The following KLRG1 variants were observed in gnomAD, a reference collection of about 807,000 sequenced individuals.
KLRG1 encodes the protein killer cell lectin like receptor G1, also known as killer cell lectin-like receptor subfamily G member 1.
KLRG1 carries 16 observed loss-of-function variants against 21.8 expected under a neutral mutation model. The observed-to-expected ratio is 0.73, with a 90% confidence interval of 0.50 to 1.11. The LOEUF (loss-of-function observed/expected upper bound fraction) is 1.11. Ranked by LOEUF, KLRG1 falls within the 50% of genes most tolerant of loss-of-function variation. The pLI, the probability that KLRG1 is intolerant of heterozygous loss-of-function variation, is 0.00. For missense variants in KLRG1, 173 were observed against 218.3 expected (o/e 0.79, Z 1.31); for synonymous variants, 69 against 75.9 (o/e 0.91, Z 0.47).
chr12:9,003,585 G>A (rs764474392), intron 3 of KLRG1, among the ~76,000 whole-genome samples: 6 of 151,656 alleles, frequency 4.0e-5, no homozygotes, highest in South Asian at 2.1e-4. Flanking sequence ...TTCATCTGTC[G>A]TATACTTCAT....
At chr12:9,158,692 T>A in the KLRG1 span, 1 of 975,880 alleles carries the variant, frequency 1.0e-6, no homozygotes, top group Non-Finnish European at 1.4e-6. Context: ...AATCAGCTGT[T>A]ACTGAGAGTT....
chr12:9,182,726 T>C, the KLRG1 span, among the ~76,000 whole-genome samples: 34 of 152,286 alleles, frequency 2.2e-4, no homozygotes, highest in Non-Finnish European at 4.7e-4. Context: ...GGCCACCAGG[T>C]AGCTACAAAA....
chr12:9,028,204 T>C, the KLRG1 span: 14 of 580,476 alleles, frequency 2.4e-5, no homozygotes, highest in Non-Finnish European at 4.2e-5. Context: ...TAGGCTGGAA[T>C]GCAATGGTGT....
chr12:9,098,430 T>TTATA, the KLRG1 span: 59 of 285,984 alleles, frequency 2.1e-4, no homozygotes, highest in Non-Finnish European at 2.8e-4. Flanking sequence ...AAGTGAGTAG[T>TTATA]TATATATATA....
At chr12:9,018,328 A>G in the KLRG1 span, among the ~76,000 whole-genome samples, 1 of 152,182 alleles carries the variant, frequency 6.6e-6, no homozygotes, top group South Asian at 2.1e-4. Flanking sequence ...AAACAAAAAC[A>G]AAAACAAAAA....
intron 1 of KLRG1, among the ~76,000 whole-genome samples, chr12:8,974,797 G>A (rs1256540656): frequency 1.3e-5 from 2 of 151,974 alleles, no homozygotes; most frequent in South Asian, 2.1e-4. Context: ...TTTTACATCT[G>A]TTTTTATCAG....
At chr12:9,167,987 A>G in the KLRG1 span, among the ~76,000 whole-genome samples, 2 of 152,198 alleles carry the variant, frequency 1.3e-5, no homozygotes, top group Admixed American at 6.5e-5. Flanking sequence ...GGTATACTTA[A>G]ACAGTCCATG....
chr12:9,001,134 T>C (rs1359786952), intron 3 of KLRG1, among the ~76,000 whole-genome samples: 7 of 152,214 alleles, frequency 4.6e-5, no homozygotes, highest in African/African-American at 7.2e-5. Context: ...AGTAATATGC[T>C]CTATATTTTT....
At chr12:9,069,672 T>C in the KLRG1 span, 1 of 1,183,870 alleles carries the variant, frequency 8.4e-7, no homozygotes, top group Non-Finnish European at 1.2e-6. Context: ...CTAAAATGCA[T>C]TTACCTTCCC....
chr12:9,200,970 T>C, the KLRG1 span: 3 of 1,613,940 alleles, frequency 1.9e-6, no homozygotes, highest in Admixed American at 1.7e-5. Flanking sequence ...GAGCCCTGAA[T>C]GGGCTCTGAT....
the KLRG1 span, chr12:9,158,391 C>T: frequency 6.2e-7 from 1 of 1,612,204 alleles, no homozygotes; most frequent in South Asian, 1.1e-5. Flanking sequence ...TGATGTGTGT[C>T]AGGCTCAGAA....
At chr12:8,975,518 CA>C (rs1184007043) in intron 1 of KLRG1, among the ~76,000 whole-genome samples, 1 of 152,044 alleles carries the variant, frequency 6.6e-6, no homozygotes, top group Non-Finnish European at 1.5e-5. Flanking sequence ...CCTCTTCATT[CA>C]TTTTTTATTT....
At chr12:9,194,922 C>A in the KLRG1 span, among the ~76,000 whole-genome samples, 1 of 152,136 alleles carries the variant, frequency 6.6e-6, no homozygotes, top group African/African-American at 2.4e-5. Flanking sequence ...AAAAAAGTTA[C>A]TTCTCTGCGC....
chr12:9,003,450 T>A (rs749965798), intron 3 of KLRG1, among the ~76,000 whole-genome samples: 49 of 152,290 alleles, frequency 3.2e-4, no homozygotes, highest in Admixed American at 1.2e-3. Flanking sequence ...ATGGCTATCA[T>A]TCACACCAAT....
At chr12:9,203,623 G>C in the KLRG1 span, 3 of 912,382 alleles carry the variant, frequency 3.3e-6, no homozygotes, top group Non-Finnish European at 4.9e-6. Context: ...TTACAGGCGT[G>C]AGCCACCGCA....
At chr12:9,112,174 G>T in the KLRG1 span, 1 of 1,613,726 alleles carries the variant, frequency 6.2e-7, no homozygotes, top group Non-Finnish European at 8.5e-7. Flanking sequence ...CATTCAGGGG[G>T]TGAAAGTTTT....
the KLRG1 span, chr12:9,115,764 G>A: frequency 4.3e-6 from 7 of 1,610,876 alleles, no homozygotes; most frequent in East Asian, 4.5e-5. Context: ...TGGAACTCAC[G>A]GTTTTCCAGA....
the KLRG1 span, among the ~76,000 whole-genome samples, chr12:9,061,150 G>C: frequency 1.3e-5 from 2 of 152,008 alleles, no homozygotes; most frequent in African/African-American, 4.8e-5. Context: ...ATCTCACTAT[G>C]TTGCCCACAC....
chr12:9,205,012 C>A, the KLRG1 span, among the ~76,000 whole-genome samples: 2 of 152,056 alleles, frequency 1.3e-5, no homozygotes, highest in African/African-American at 4.8e-5. Context: ...CAAGAAGGAT[C>A]ACTTAAGCCC....
Sources: allele counts gnomAD v4.1 joint callset (sites outside exome capture counted in the v4.1 genomes callset), GRCh38; gene constraint gnomAD v4.1.1; transcripts MANE v1.5; gene names NCBI Gene and HGNC (gene_info 2026-07-23, HGNC 2026-07-21).